Variants in THOP1 observed in about 807,000 individuals in gnomAD.
The protein encoded by THOP1 is thimet oligopeptidase 1, also known as thimet oligopeptidase.
THOP1 carries 49 observed loss-of-function variants against 71.8 expected under a neutral mutation model. That is an observed-to-expected ratio of 0.68 (90% confidence interval 0.54 to 0.87). The LOEUF (loss-of-function observed/expected upper bound fraction) is 0.87. Ranked by LOEUF, THOP1 falls within the 40% of genes least tolerant of loss-of-function variation. The probability of loss-of-function intolerance (pLI) is 0.00; values close to 1 mark genes in which losing one functional copy is unlikely to be tolerated. For missense variants in THOP1, 843 were observed against 975.6 expected (o/e 0.86, Z 1.81); for synonymous variants, 426 against 421.5 (o/e 1.01, Z -0.13).
Position 2,807,359 on chromosome 19 carries a change from G to A in THOP1, c.887-83G>A, listed in dbSNP as rs774289279. 7.5e-6 allele frequency: 11 copies of A among 1,472,532 alleles called. No homozygotes were observed. The East Asian group carries it at 1.9e-4, about 25-fold the overall frequency. The allele number at this position is 1,472,532 out of a possible 1,614,324, so 91.2% of individuals were successfully genotyped here. On this transcript the variant is annotated intron_variant, in intron 7 of 12. Transcript: ENST00000307741. ...CTCCCTTCCAAATGGGGAGCCTGAC[G>A]AAGTCGCGGCCGCGGGCGGGCGAGC...
chr19:2,797,554 C>T (rs1916049226), intron 4 of THOP1, among the ~76,000 whole-genome samples: 1 of 152,234 alleles, frequency 6.6e-6, no homozygotes, highest in African/African-American at 2.4e-5. Context: ...CATGAGATAC[C>T]CAACACCTCA....
At position 2,785,526 on chromosome 19, in the gene THOP1, G is replaced by T. The variant is rs1915718245; in HGVS notation, c.-137G>T. 1.0e-6 allele frequency: 1 copy of T among 985,056 alleles called. No individual in the cohort carries two copies. The highest frequency in any genetic ancestry group is 1.7e-5 in the African/African-American group (1 of 58,638). The allele number at this position is 985,056 out of a possible 1,614,324, so 61.0% of individuals were successfully genotyped here. ...CCAGCATGCCCCGGGAGCGCGGGCGGCGGGCCCCTTGGTCCTCAGGCGGCC... is the reference window on the plus strand; with the variant it reads ...CCAGCATGCCCCGGGAGCGCGGGCGTCGGGCCCCTTGGTCCTCAGGCGGCC... On this transcript the variant is annotated 5_prime_UTR_variant, in exon 1 of 13. Transcript: ENST00000307741.
At chr19:2,800,505 C>T (rs2144769047) in intron 5 of THOP1, among the ~76,000 whole-genome samples, 1 of 152,364 alleles carries the variant, frequency 6.6e-6, no homozygotes, top group African/African-American at 2.4e-5. Context: ...CTGATGGGTG[C>T]TATAGAATAT....
At position 2,801,425 on chromosome 19, in the gene THOP1, T is replaced by C. The variant is rs1260749416; in HGVS notation, c.589+1634T>C. On this transcript the variant is annotated intron_variant, in intron 5 of 12. Coordinates refer to ENST00000307741, the MANE Select transcript of THOP1 (RefSeq NM_003249.5). The surrounding 1 kb of genome is among the most constrained non-coding windows in gnomAD (Gnocchi z 5.1). ...GGGGTGCCGTTCCATTTGTCGGGCC[T>C]GAGGGGTCTCCCGTGCAGGTGGCTT... is the stretch of plus-strand genomic sequence containing the variant. Among the ~76,000 whole-genome samples, 2 of 152,188 alleles carry C rather than the reference T, an allele frequency of 1.3e-5. No homozygotes were observed. Among genetic ancestry groups the C allele is most frequent in the Non-Finnish European group, 2.9e-5 (2 of 68,032 alleles).
intron 2 of THOP1, 76 bp downstream of exon 2, chr19:2,790,709 C>T (rs1160503407): frequency 3.7e-6 from 5 of 1,353,428 alleles, no homozygotes; most frequent in Non-Finnish European, 4.9e-6. Flanking sequence ...GTAGCCCAGC[C>T]CGTGGAGCCG....
intron 2 of THOP1, among the ~76,000 whole-genome samples, chr19:2,792,403 T>C (rs902678118): frequency 2.0e-5 from 3 of 152,050 alleles, no homozygotes; most frequent in Non-Finnish European, 4.4e-5. Context: ...GAGCTCAAGC[T>C]TCCTGCCTGC....
At chr19:2,799,623 C>A in intron 4 of THOP1, 66 bp from the exon 5 acceptor site, 1 of 1,306,568 alleles carries the variant, frequency 7.7e-7, no homozygotes. Flanking sequence ...GGTTCCCAGG[C>A]GTTGCGTCTC....
Position 2,806,929 on chromosome 19 carries a change from A to C in THOP1, c.763A>C (p.Ile255Leu). 6.2e-7 allele frequency: 1 copy of C among 1,612,938 alleles called. No homozygotes were observed. The highest frequency in any genetic ancestry group is 8.5e-7 in the Non-Finnish European group (1 of 1,179,754). Residue 255 changes from isoleucine to leucine, a missense_variant, in exon 7 of 13, where the codon ATC becomes CTC. By Grantham distance (5) the Ile-to-Leu change is conservative. Coordinates refer to ENST00000307741, the MANE Select transcript of THOP1 (RefSeq NM_003249.5). ...GTGTCGGTTGCAGGAGAACTGCGCT[A>C]TCCTCAAGGAGCTGGTGACGCTGCG... ...NCRCKEENCA[I>L]LKELVTLRAQ...
intron 2 of THOP1, 75 bp from the exon 3 acceptor site, chr19:2,794,689 A>G: frequency 6.5e-7 from 1 of 1,528,220 alleles, no homozygotes; most frequent in Admixed American, 1.8e-5. Context: ...GGCCTGGGAG[A>G]GGGGTCCGGG....
At chr19:2,806,751 T>C (rs1439055385) in intron 6 of THOP1, 166 bp from the exon 7 acceptor site, 2 of 1,200,184 alleles carry the variant, frequency 1.7e-6, no homozygotes, top group African/African-American at 3.1e-5. Context: ...ATGATAACGC[T>C]GGTGGCATGA....
intron 12 of THOP1, chr19:2,812,227 G>T (rs1248339713): frequency 6.5e-7 from 1 of 1,528,610 alleles, no homozygotes; most frequent in South Asian, 1.2e-5. Context: ...CGGCCGTTAC[G>T]CCATGTGAGC....
rs200372786 is a variant in THOP1, at chr19:2,806,949, G to T, written c.783G>T (p.Thr261=). The T allele has an allele frequency of 3.0e-5, 48 of 1,613,006 alleles. No homozygotes were observed. Among genetic ancestry groups the T allele is most frequent in the Admixed American group, 1.7e-4 (10 of 59,890 alleles). The part of the protein sequence containing the change: ...ENCAILKELV[T]LRAQKSRLLG... ...GCGCTATCCTCAAGGAGCTGGTGAC[G>T]CTGCGGGCCCAGAAGTCCCGCCTGC... The change falls in exon 7 of 13, where the codon ACG becomes ACT. Residue 261 remains threonine (T), a synonymous_variant. Transcript: ENST00000307741.
chr19:2,807,970 A>T, intron 8 of THOP1, 162 bp downstream of exon 8: 2 of 892,028 alleles, frequency 2.2e-6, no homozygotes, highest in South Asian at 3.9e-5. Flanking sequence ...GGGGCCGAAA[A>T]TGCAGCTGTC....
intron 9 of THOP1, chr19:2,809,891 A>C: frequency 5.3e-6 from 1 of 189,254 alleles, no homozygotes; most frequent in East Asian, 1.4e-4. Context: ...TTCCAGCGGG[A>C]CTCAGTCAAG....
At chr19:2,786,312 C>T (rs1169496370) in intron 1 of THOP1, among the ~76,000 whole-genome samples, 1 of 152,198 alleles carries the variant, frequency 6.6e-6, no homozygotes, top group African/African-American at 2.4e-5. Flanking sequence ...GTGGTGCGAT[C>T]ACGACTCCCT....
At chr19:2,812,032 TC>T in intron 12 of THOP1, 1 of 1,062,462 alleles carries the variant, frequency 9.4e-7, no homozygotes, top group Non-Finnish European at 1.3e-6. Context: ...TGCAGGAAGC[TC>T]CACACTGGCC....
chr19:2,799,123 C>G (rs553608779), intron 4 of THOP1, among the ~76,000 whole-genome samples: 1 of 152,140 alleles, frequency 6.6e-6, no homozygotes, highest in Non-Finnish European at 1.5e-5. Flanking sequence ...CCCAGGAGTT[C>G]GAAACCAGCC....
rs1916359480 is a variant in THOP1 at position 2,808,182 on chromosome 19, A to G, written c.1254-61A>G. 4.6e-6 allele frequency: 7 copies of G among 1,506,484 alleles called. No individual in the cohort carries two copies. The Admixed American group carries it at 1.2e-4, about 26-fold the overall frequency. The allele number at this position is 1,506,484 out of a possible 1,614,324, so 93.3% of individuals were successfully genotyped here. On this transcript the variant is annotated intron_variant, in intron 8 of 12. Transcript: ENST00000307741. ...CAGTCAGGTGGGCTGAGGGATGCGG[A>G]GTCAGGGACTCTTGCGGTGTCTCTA...
chr19:2,785,908 T>A lies in THOP1; in HGVS notation c.16+230T>A, dbSNP rs1186917584. Among the ~76,000 whole-genome samples the A allele has an allele frequency of 2.6e-5, 4 of 152,132 alleles. No individual in the cohort carries two copies. In the East Asian group the frequency reaches 7.7e-4, roughly 29 times the overall value. On this transcript the variant is annotated intron_variant, in intron 1 of 12. Transcript: ENST00000307741. ...AAGTTGATGGCGCTTCCCTTCCGGA[T>A]GGGTCGGGCCCCGTGGCGGACCCTG... is the stretch of plus-strand genomic sequence containing the variant.
Sources: gnomAD v4.1 joint callset for allele counts (sites outside exome capture counted in the v4.1 genomes callset) on GRCh38, gnomAD v4.1.1 for gene constraint, Gnocchi (gnomAD v3.1) non-coding constraint, MANE v1.5 for transcripts, NCBI Gene and HGNC (gene_info 2026-07-23, HGNC 2026-07-21) for gene names.